The following PRKAA2 variants were observed in gnomAD, a reference collection of about 807,000 sequenced individuals.
PRKAA2 encodes the protein 5'-AMP-activated protein kinase catalytic subunit alpha-2.
A neutral mutation model predicts 56.3 loss-of-function variants in PRKAA2; 40 were observed. The observed-to-expected ratio is 0.71, with a 90% confidence interval of 0.55 to 0.92. The LOEUF (loss-of-function observed/expected upper bound fraction) is 0.92, where lower values mean the gene tolerates loss of function less well. Among genes scored for constraint, PRKAA2 ranks in the 40% least tolerant of loss-of-function variants. PRKAA2 has a pLI of 0.00. For synonymous variants in PRKAA2, 214 were observed against 234.2 expected (o/e 0.91, Z 0.79); for missense variants, 542 against 686.9 (o/e 0.79, Z 2.36).
intron 1 of PRKAA2, among the ~76,000 whole-genome samples, chr1:56,648,992 T>C (rs958744966): frequency 2.0e-5 from 3 of 152,226 alleles, no homozygotes; most frequent in African/African-American, 7.2e-5. Flanking sequence ...AATATTTTCT[T>C]CCAGTCTGTT....
chr1:56,647,636 C>G (rs1348938208), intron 1 of PRKAA2, among the ~76,000 whole-genome samples: 2 of 152,038 alleles, frequency 1.3e-5, no homozygotes, highest in African/African-American at 4.8e-5. Flanking sequence ...AAAGTGATAC[C>G]ATGGTTTCCT....
chr1:56,695,198 A>C (rs571209984), intron 5 of PRKAA2, among the ~76,000 whole-genome samples: 1 of 141,156 alleles, frequency 7.1e-6, no homozygotes, highest in East Asian at 2.0e-4. Context: ...ATATATATAT[A>C]TATATTTTTT....
intron 1 of PRKAA2, among the ~76,000 whole-genome samples, chr1:56,648,067 T>A (rs950277244): frequency 6.6e-5 from 10 of 152,006 alleles, no homozygotes; most frequent in African/African-American, 2.2e-4. Context: ...ACAACTTATT[T>A]AGGTATATTT....
intron 1 of PRKAA2, among the ~76,000 whole-genome samples, chr1:56,653,021 T>C (rs1175194280): frequency 1.3e-5 from 2 of 152,068 alleles, no homozygotes; most frequent in Non-Finnish European, 2.9e-5. Flanking sequence ...ATATGGAAGA[T>C]GAATGAAACA....
At chr1:56,698,885 G>C (rs1435812544) in intron 6 of PRKAA2, among the ~76,000 whole-genome samples, 1 of 152,168 alleles carries the variant, frequency 6.6e-6, no homozygotes, top group African/African-American at 2.4e-5. Flanking sequence ...AAACAAGATA[G>C]ATATTATCTT....
At chr1:56,660,350 T>C (rs1643984186) in intron 1 of PRKAA2, among the ~76,000 whole-genome samples, 1 of 152,222 alleles carries the variant, frequency 6.6e-6, no homozygotes, top group African/African-American at 2.4e-5. Flanking sequence ...TATTAGGGGA[T>C]TTAGAGACTC....
chr1:56,703,381 A>C (rs1478731367), intron 6 of PRKAA2, among the ~76,000 whole-genome samples: 1 of 152,194 alleles, frequency 6.6e-6, no homozygotes, highest in Non-Finnish European at 1.5e-5. Flanking sequence ...TTCCAAAAAA[A>C]ATTGTGAGAA....
chr1:56,709,186 C>T lies in PRKAA2; in HGVS notation c.*1473C>T, dbSNP rs973473248. On this transcript the variant is annotated 3_prime_UTR_variant, in exon 9 of 9. Coordinates refer to ENST00000371244, the MANE Select transcript of PRKAA2 (RefSeq NM_006252.4). ...AAAAAAATGACATTACCTTGACAGG[C>T]TTCTCTTTGCCAAAAGTAATGTATG... 6.6e-6 allele frequency: 1 copy of T among 152,078 alleles called. No individual in the cohort carries two copies. The highest frequency in any genetic ancestry group is 6.6e-5 in the Admixed American group (1 of 15,260). The allele number at this position is 152,078 out of a possible 1,614,324, so 9.4% of individuals were successfully genotyped here. A position where few individuals can be genotyped will look rare whatever the true frequency, so the allele number is the denominator to read the frequency against.
At position 56,712,809 on chromosome 1, in the gene PRKAA2, G is replaced by A. The variant is rs1644377584; in HGVS notation, c.*5096G>A. 6.6e-6 allele frequency: 1 copy of A among 151,944 alleles called. No homozygotes were observed. The highest frequency in any genetic ancestry group is 2.1e-4 in the South Asian group (1 of 4,828). 9.4% of individuals were successfully genotyped at this position (151,944 alleles called of 1,614,324 possible). A position where few individuals can be genotyped will look rare whatever the true frequency, so the allele number is the denominator to read the frequency against. On this transcript the variant is annotated 3_prime_UTR_variant, in exon 9 of 9. Transcript: ENST00000371244. The stretch of plus-strand genomic sequence containing the variant: ...AGAGATTGCAATAAGCCAAGATCAT[G>A]CCACTGCATGCCAGCCTGGGTGACA...
chr1:56,653,626 T>C (rs1462985007), intron 1 of PRKAA2, among the ~76,000 whole-genome samples: 3 of 152,180 alleles, frequency 2.0e-5, no homozygotes, highest in Non-Finnish European at 2.9e-5. Flanking sequence ...GAAGTACTTA[T>C]GTACTTTTGT....
intron 1 of PRKAA2, among the ~76,000 whole-genome samples, chr1:56,647,863 C>T (rs1215482241): frequency 6.6e-6 from 1 of 151,536 alleles, no homozygotes; most frequent in African/African-American, 2.4e-5. Flanking sequence ...AACCCCATGT[C>T]TACTAAAAAT....
In PRKAA2 at chr1:56,713,858, A is replaced by AC. The variant is rs1367663578; in HGVS notation, c.*6145_*6146insC. 1.2e-4 allele frequency: 18 copies of AC among 151,562 alleles called. No individual in the cohort carries two copies. The highest frequency in any genetic ancestry group is 1.1e-3 in the Admixed American group (16 of 15,226). 9.4% of individuals were successfully genotyped at this position (151,562 alleles called of 1,614,324 possible). On this transcript the variant is annotated 3_prime_UTR_variant, in exon 9 of 9. Transcript: ENST00000371244. Reference sequence around the variant, plus strand: ...AGAGATCCACTGTTCTAAAAAAAAAAAAAAAAAAAAACACTAAATTGTGCC... The same window carrying AC: ...AGAGATCCACTGTTCTAAAAAAAAAACAAAAAAAAAAACACTAAATTGTGCC...
chr1:56,693,620 T>G, intron 4 of PRKAA2, 145 bp from the exon 5 acceptor site: 2 of 511,578 alleles, frequency 3.9e-6, no homozygotes, highest in South Asian at 8.0e-5. Context: ...TCTTTCCAGT[T>G]AAATGCTTTC....
chr1:56,707,821 GA>G lies in PRKAA2; in HGVS notation c.*110del. 9.6e-7 allele frequency: 1 copy of G among 1,040,532 alleles called. No individual in the cohort carries two copies. The highest frequency in any genetic ancestry group is 1.4e-6 in the Non-Finnish European group (1 of 709,500). 64.5% of individuals were successfully genotyped at this position (1,040,532 alleles called of 1,614,324 possible). The stretch of plus-strand genomic sequence containing the variant: ...CACTGCAATACTAATTGAGAAACAT[GA>G]ATTATTTCCAGGGGCACACAATGCT... On this transcript the variant is annotated 3_prime_UTR_variant, in exon 9 of 9. Transcript: ENST00000371244.
rs975788411 is a variant in PRKAA2, at chr1:56,693,953, A to G, written c.563+101A>G. 2.1e-5 allele frequency: 16 copies of G among 750,094 alleles called. No homozygotes were observed. The Admixed American group carries it at 3.0e-4, about 14-fold the overall frequency. The allele number at this position is 750,094 out of a possible 1,614,324, so 46.5% of individuals were successfully genotyped here. A position where few individuals can be genotyped will look rare whatever the true frequency, so the allele number is the denominator to read the frequency against. On this transcript the variant is annotated intron_variant, in intron 5 of 8. Coordinates refer to ENST00000371244, the MANE Select transcript of PRKAA2 (RefSeq NM_006252.4). ...ATGGAAGGTAAGATTTTAACATGGT[A>G]GAAATGGATTATTCATTTATTTTTC...
At chr1:56,646,151 G>A (rs1268537795) in intron 1 of PRKAA2, among the ~76,000 whole-genome samples, 1 of 152,154 alleles carries the variant, frequency 6.6e-6, no homozygotes, top group African/African-American at 2.4e-5. Context: ...ACTCTCGGTT[G>A]TTGGGGGTGA....
chr1:56,689,897 GACACACACAC>G (rs3034077), intron 2 of PRKAA2, among the ~76,000 whole-genome samples: 4,825 of 147,078 alleles, frequency 0.033, 103 homozygotes, highest in East Asian at 0.099. Flanking sequence ...CAGACACACA[GACACACACAC>G]ACACACACAC....
At chr1:56,659,050 G>A (rs1415107324) in intron 1 of PRKAA2, among the ~76,000 whole-genome samples, 4 of 149,774 alleles carry the variant, frequency 2.7e-5, no homozygotes, top group Admixed American at 6.7e-5. Context: ...CGATCCTCTC[G>A]CCTGGGCCTC....
chr1:56,657,388 TA>T (rs1643952968), intron 1 of PRKAA2, among the ~76,000 whole-genome samples: 1 of 152,108 alleles, frequency 6.6e-6, no homozygotes, highest in African/African-American at 2.4e-5. Flanking sequence ...TCTTCAAAAA[TA>T]AAGGTAAGCT....
Sources: gnomAD v4.1 joint callset for allele counts (sites outside exome capture counted in the v4.1 genomes callset) on GRCh38, gnomAD v4.1.1 for gene constraint, MANE v1.5 for transcripts, NCBI Gene and HGNC (gene_info 2026-07-23, HGNC 2026-07-21) for gene names.